Variants in PTPRZ1 observed in about 807,000 individuals in gnomAD.
PTPRZ1 encodes protein tyrosine phosphatase receptor type Z1, also known as receptor-type tyrosine-protein phosphatase zeta.
A neutral mutation model predicts 214.1 loss-of-function variants in PTPRZ1; 82 were observed. The observed-to-expected ratio is 0.38, with a 90% confidence interval of 0.32 to 0.46. The LOEUF (loss-of-function observed/expected upper bound fraction) is 0.46. Among genes scored for constraint, PTPRZ1 ranks in the 20% least tolerant of loss-of-function variants. The pLI is 1.00. For missense variants in PTPRZ1, 2,603 were observed against 2,748.7 expected (o/e 0.95, Z 1.19); for synonymous variants, 945 against 987.9 (o/e 0.96, Z 0.81).
At chr7:121,877,747 T>C (rs1475344741) in intron 1 of PTPRZ1, among the ~76,000 whole-genome samples, 1 of 152,196 alleles carries the variant, frequency 6.6e-6, no homozygotes, top group African/African-American at 2.4e-5. Flanking sequence ...GTTTTAAAGA[T>C]ACTTTTTCTG....
rs1452544358 is a variant in PTPRZ1 at position 122,013,176 on chromosome 7, C to T, written c.4130C>T (p.Thr1377Ile). 6.2e-7 allele frequency: 1 copy of T among 1,614,076 alleles called. No homozygotes were observed. Among genetic ancestry groups the T allele is most frequent in the South Asian group, 1.1e-5 (1 of 91,082 alleles). Reference protein sequence around the residue: ...VPIGNGHVAITAVSPHRDGSV... With the variant: ...VPIGNGHVAIIAVSPHRDGSV... ...ATAGGAAATGGGCATGTTGCCATTA[C>T]AGCTGTTTCTCCCCACAGAGATGGT... Residue 1377 changes from threonine to isoleucine, a missense_variant, in exon 12 of 30, where the codon ACA becomes ATA. Physicochemically the swap from Thr to Ile is moderately conservative, Grantham distance 89. Around this residue, in one of 6 missense-constraint regions of PTPRZ1, gnomAD observed 1,913 missense variants for 1,914.3 expected, o/e 1.00. Coordinates refer to ENST00000393386, the MANE Select transcript of PTPRZ1 (RefSeq NM_002851.3).
At chr7:122,024,237 CA>C (rs1231193832) in intron 13 of PTPRZ1, among the ~76,000 whole-genome samples, 3 of 150,660 alleles carry the variant, frequency 2.0e-5, no homozygotes, top group Admixed American at 2.0e-4. Flanking sequence ...GGAAGATTTT[CA>C]AAAGTTTTTT....
intron 22 of PTPRZ1, among the ~76,000 whole-genome samples, chr7:122,043,719 G>C (rs555517150): frequency 2.0e-5 from 3 of 152,164 alleles, no homozygotes; most frequent in African/African-American, 7.2e-5. Context: ...AACACATGGA[G>C]ACATAGAGGG....
At chr7:121,994,289 CT>C (rs35332072) in intron 8 of PTPRZ1, among the ~76,000 whole-genome samples, 1,241 of 75,204 alleles carry the variant, frequency 0.017, 4 homozygotes, top group African/African-American at 0.065. Flanking sequence ...TAATGCATTT[CT>C]TTTTTTTTTT....
chr7:121,983,152 T>C lies in PTPRZ1; in HGVS notation c.620-513T>C, dbSNP rs533199255. On this transcript the variant is annotated intron_variant, in intron 6 of 29. Transcript: ENST00000393386. ...TTTTTCCTATACAATCTTAAGATTT[T>C]CGTTTCTTTTTTCTTTATTGCACTG... Among the ~76,000 whole-genome samples the C allele has an allele frequency of 2.6e-5, 4 of 152,344 alleles. No individual in the cohort carries two copies. In the East Asian group the frequency reaches 7.7e-4, roughly 29 times the overall value.
chr7:122,058,725 T>G, intron 27 of PTPRZ1, 75 bp from the exon 28 acceptor site: 1 of 1,345,806 alleles, frequency 7.4e-7, no homozygotes, highest in Non-Finnish European at 1.0e-6. Context: ...TTACTGTAAT[T>G]CCTGATTTTC....
At chr7:122,008,765 A>G (rs1034658607) in intron 11 of PTPRZ1, among the ~76,000 whole-genome samples, 1 of 152,118 alleles carries the variant, frequency 6.6e-6, no homozygotes, top group African/African-American at 2.4e-5. Flanking sequence ...AAGAGTTTAG[A>G]AACTCCACAC....
At chr7:121,953,292 G>T (rs1796612718) in intron 2 of PTPRZ1, among the ~76,000 whole-genome samples, 1 of 152,084 alleles carries the variant, frequency 6.6e-6, no homozygotes, top group African/African-American at 2.4e-5. Flanking sequence ...TACATTTTAG[G>T]TGTCATAATT....
intron 21 of PTPRZ1, among the ~76,000 whole-genome samples, chr7:122,041,531 AAG>A (rs1799734595): frequency 6.8e-6 from 1 of 148,012 alleles, no homozygotes; most frequent in Admixed American, 6.6e-5. Context: ...CATTGTTGCC[AAG>A]ATTTTTTAAT....
At chr7:121,876,518 G>T (rs112637800) in intron 1 of PTPRZ1, among the ~76,000 whole-genome samples, 73 of 151,074 alleles carry the variant, frequency 4.8e-4, no homozygotes, top group African/African-American at 1.7e-3. Flanking sequence ...TCCTCTGGAA[G>T]AATTAACTTC....
chr7:121,940,274 G>A (rs1389309735), intron 2 of PTPRZ1, among the ~76,000 whole-genome samples: 1 of 152,142 alleles, frequency 6.6e-6, no homozygotes, highest in Non-Finnish European at 1.5e-5. Context: ...AAGGAAAAGG[G>A]ACTAGTAAAA....
rs779965554 is a variant in PTPRZ1, at chr7:122,012,184, A to T, written c.3138A>T (p.Ile1046=). The T allele has an allele frequency of 2.1e-5, 34 of 1,613,964 alleles. No individual in the cohort carries two copies. Among genetic ancestry groups the T allele is most frequent in the Non-Finnish European group, 2.9e-5 (34 of 1,179,852 alleles). Residue 1046 remains isoleucine, a synonymous_variant, in exon 12 of 30, where the codon ATA becomes ATT. Transcript: ENST00000393386. ...DDNKALSKSE[I]IYGNETELQI... is the part of the protein sequence containing the mutation. The stretch of plus-strand genomic sequence containing the variant: ...ATAAGGCGCTTTCTAAAAGTGAAAT[A>T]ATATATGGAAATGAGACTGAACTGC...
chr7:121,930,564 A>G (rs1022069038), intron 2 of PTPRZ1, among the ~76,000 whole-genome samples: 14 of 152,202 alleles, frequency 9.2e-5, no homozygotes, highest in African/African-American at 3.1e-4. Context: ...AAAATTATCT[A>G]TTTCCCCACA....
At chr7:121,894,612 C>T (rs896219579) in intron 1 of PTPRZ1, among the ~76,000 whole-genome samples, 1 of 152,026 alleles carries the variant, frequency 6.6e-6, no homozygotes, top group Non-Finnish European at 1.5e-5. Context: ...TGCTATGTTG[C>T]GTAGGCTCAC....
rs13239099 is a variant in PTPRZ1, at chr7:121,923,070, G to C, written c.59-5086G>C. Among the ~76,000 whole-genome samples the C allele has an allele frequency of 4.2e-3, 645 of 152,230 alleles. 2 individuals are homozygous for C. Among genetic ancestry groups the C allele is most frequent in the Non-Finnish European group, 7.7e-3 (522 of 68,008 alleles). Reference sequence around the variant, plus strand: ...CTGTCACCAAAAATAAGTTCCTAGTGATCTATGAAGATCCTACATGAGCGC... The same window carrying C: ...CTGTCACCAAAAATAAGTTCCTAGTCATCTATGAAGATCCTACATGAGCGC... On this transcript the variant is annotated intron_variant, in intron 1 of 29. Transcript: ENST00000393386.
At chr7:121,953,801 G>A (rs1341030323) in intron 2 of PTPRZ1, among the ~76,000 whole-genome samples, 1 of 151,872 alleles carries the variant, frequency 6.6e-6, no homozygotes, top group African/African-American at 2.4e-5. Flanking sequence ...AGAAAACGGT[G>A]ATTCGGTGAT....
In PTPRZ1 at chr7:122,061,138, A is replaced by G. The variant is rs1792563439; in HGVS notation, c.6866A>G (p.Glu2289Gly). The stretch of plus-strand genomic sequence containing the variant: ...AGCCTTGTGAGCACAAGGCAGGAAG[A>G]GAATCCATCCACCTCTCTGGACAGT... ...ILSLVSTRQE[E>G]NPSTSLDSNG... The change falls in exon 30 of 30, where the codon GAG (glutamate) becomes GGG (glycine). Residue 2289 changes from glutamate (E) to glycine (G), a missense_variant. Glu to Gly is a moderately conservative substitution (Grantham distance 98, BLOSUM62 -2). Coordinates refer to ENST00000393386, the MANE Select transcript of PTPRZ1 (RefSeq NM_002851.3). The G allele has an allele frequency of 6.2e-7, 1 of 1,609,702 alleles. No homozygotes were observed. Among genetic ancestry groups the G allele is most frequent in the Non-Finnish European group, 8.5e-7 (1 of 1,177,198 alleles).
chr7:121,919,562 A>C (rs945371024), intron 1 of PTPRZ1, among the ~76,000 whole-genome samples: 3 of 152,034 alleles, frequency 2.0e-5, no homozygotes, highest in African/African-American at 7.2e-5. Context: ...CCCCCATCTT[A>C]TGATTAATTT....
In PTPRZ1 at chr7:122,011,698, T is replaced by A. The variant is rs571381883; in HGVS notation, c.2652T>A (p.His884Gln). The A allele has an allele frequency of 1.9e-6, 3 of 1,614,172 alleles. No homozygotes were observed. The East Asian group carries it at 6.7e-5, about 36-fold the overall frequency. Residue 884 changes from histidine (H) to glutamine (Q), a missense_variant, in exon 12 of 30, where the codon CAT becomes CAA. Transcript: ENST00000393386. ...AQYSDVLSTTHAASETLEFGS... is the reference protein window; with the variant it reads ...AQYSDVLSTTQAASETLEFGS... ...ATTCTGATGTGCTGTCCACTACTCA[T>A]GCTGCTTCAGAGACGCTGGAATTTG...
Sources: gnomAD v4.1 joint callset for allele counts (sites outside exome capture counted in the v4.1 genomes callset) on GRCh38, gnomAD v4.1.1 for gene constraint, gnomAD v4.1.1 regional missense constraint, MANE v1.5 for transcripts, NCBI Gene and HGNC (gene_info 2026-07-23, HGNC 2026-07-21) for gene names.